Variants in CORO2B observed in about 807,000 individuals in gnomAD.
CORO2B encodes the protein coronin-2B.
In CORO2B, 26 loss-of-function variants were observed where a neutral mutation model predicts 58.8. The observed-to-expected ratio is 0.44, with a 90% CI of 0.32 to 0.61. The LOEUF is 0.61. Ranked by LOEUF, CORO2B falls within the 20% of genes least tolerant of loss-of-function variation. CORO2B has a pLI of 0.04. For synonymous variants in CORO2B, 242 were observed against 253.8 expected, an observed-to-expected ratio of 0.95 and a Z score of 0.44; for missense variants, 460 against 645.1, an observed-to-expected ratio of 0.71 and a Z score of 3.11.
At chr15:68,597,733 G>A (rs1412830813) in intron 1 of CORO2B, among the ~76,000 whole-genome samples, 1 of 152,154 alleles carries the variant, frequency 6.6e-6, no homozygotes, top group Admixed American at 6.5e-5. Flanking sequence ...GGTGAACAAG[G>A]GCAGAGAGGA....
chr15:68,635,031 C>T (rs927846829), intron 1 of CORO2B, among the ~76,000 whole-genome samples: 2 of 152,154 alleles, frequency 1.3e-5, no homozygotes, highest in South Asian at 2.1e-4. Flanking sequence ...AAGTGGGGCC[C>T]GGGAGCCTGC....
rs1901383989 is a variant in CORO2B at position 68,645,223 on chromosome 15, C to T, written c.79C>T (p.Arg27Trp). Residue 27 changes from arginine (R) to tryptophan (W), a missense_variant, in exon 2 of 12, where the codon CGG becomes TGG. This residue lies in a region of CORO2B where 352 missense variants were observed against 543.0 expected (regional missense o/e 0.65). Transcript: ENST00000261861. The surrounding 1 kb of genome is among the most constrained non-coding windows in gnomAD (Gnocchi z 4.5). ...GAATGTCTACGGGAAGGTGGCCAAC[C>T]GGGAGCACTGCTTCGATGGGATCCC... is the stretch of plus-strand genomic sequence containing the variant. ...FRNVYGKVAN[R>W]EHCFDGIPIT... 4 of 1,614,190 alleles carry T rather than the reference C, an allele frequency of 2.5e-6. No individual in the cohort carries two copies. The highest frequency in any genetic ancestry group is 3.4e-6 in the Non-Finnish European group (4 of 1,180,036).
the CORO2B span, among the ~76,000 whole-genome samples, chr15:68,562,806 C>A: frequency 6.6e-6 from 1 of 151,776 alleles, no homozygotes; most frequent in Non-Finnish European, 1.5e-5. Flanking sequence ...GAAACCCCGT[C>A]TCTACTAAAA....
chr15:68,577,230 G>T (rs1899305567), upstream of CORO2B, among the ~76,000 whole-genome samples: 1 of 152,182 alleles, frequency 6.6e-6, no homozygotes, highest in Admixed American at 6.5e-5. Flanking sequence ...GCAGCAAGTA[G>T]GAATGGACCC....
the CORO2B span, among the ~76,000 whole-genome samples, chr15:68,529,001 G>A: frequency 6.6e-6 from 1 of 152,114 alleles, no homozygotes; most frequent in African/African-American, 2.4e-5. Flanking sequence ...AGGTGGAAAC[G>A]GTGCAGACTA....
At chr15:68,698,336 C>T (rs1892562662) in intron 3 of CORO2B, among the ~76,000 whole-genome samples, 1 of 152,170 alleles carries the variant, frequency 6.6e-6, no homozygotes, top group African/African-American at 2.4e-5. Flanking sequence ...GACCAGGGCT[C>T]CTGGAATCAC....
chr15:68,697,986 G>C lies in CORO2B; in HGVS notation c.333+2730G>C, dbSNP rs550151332. On this transcript the variant is annotated intron_variant, in intron 3 of 11. Coordinates refer to ENST00000261861, the MANE Select transcript of CORO2B (RefSeq NM_006091.5). ...TGCTGGGAGAGTGGCGGGAAGGGCT[G>C]ACCCCAGCTGGTGTCACCAGCCAGC... is the stretch of plus-strand genomic sequence containing the variant. Among the ~76,000 whole-genome samples, 5 of 152,260 alleles carry C rather than the reference G, an allele frequency of 3.3e-5. No homozygotes were observed. The South Asian group carries it at 1.0e-3, about 32-fold the overall frequency.
chr15:68,666,710 GA>G (rs1156304015), intron 2 of CORO2B, among the ~76,000 whole-genome samples: 2 of 152,154 alleles, frequency 1.3e-5, no homozygotes, highest in Non-Finnish European at 2.9e-5. Flanking sequence ...GATGGGCAGG[GA>G]AGGGGCCAAG....
chr15:68,700,005 G>T (rs545406725), intron 3 of CORO2B, among the ~76,000 whole-genome samples: 3 of 152,188 alleles, frequency 2.0e-5, no homozygotes, highest in African/African-American at 7.2e-5. Flanking sequence ...AGCCTGGGAG[G>T]GGGTGGGGCG....
the CORO2B span, among the ~76,000 whole-genome samples, chr15:68,552,102 G>A: frequency 6.6e-6 from 1 of 152,220 alleles, no homozygotes; most frequent in Non-Finnish European, 1.5e-5. Flanking sequence ...GAGGACCAAG[G>A]AGGGGAAGCT....
the CORO2B span, among the ~76,000 whole-genome samples, chr15:68,529,164 T>C: frequency 6.6e-6 from 1 of 152,170 alleles, no homozygotes; most frequent in Admixed American, 6.5e-5. Context: ...TGGGGTTTTA[T>C]TCCCTGACTC....
rs76282267 is a variant in CORO2B at position 68,645,129 on chromosome 15, C to T, written c.16-31C>T. The T allele has an allele frequency of 1.2e-6, 2 of 1,609,014 alleles. No homozygotes were observed. Among genetic ancestry groups the T allele is most frequent in the Non-Finnish European group, 1.7e-6 (2 of 1,177,308 alleles). On this transcript the variant is annotated intron_variant, in intron 1 of 11. Coordinates refer to ENST00000261861, the MANE Select transcript of CORO2B (RefSeq NM_006091.5). The surrounding 1 kb of genome is among the most constrained non-coding windows in gnomAD (Gnocchi z 4.5). ...AGGCCCTTCATGGCACAGGGCCCAG[C>T]CTGACCCTTGTCTCTCCTGGCCCCT...
chr15:68,646,172 C>T (rs903431259), intron 2 of CORO2B, among the ~76,000 whole-genome samples: 1 of 152,110 alleles, frequency 6.6e-6, no homozygotes, highest in Non-Finnish European at 1.5e-5. Flanking sequence ...CCCCTTTCTG[C>T]AGCTGCTTAC....
the CORO2B span, among the ~76,000 whole-genome samples, chr15:68,562,221 G>A: frequency 1.3e-5 from 2 of 152,160 alleles, no homozygotes; most frequent in East Asian, 1.9e-4. Context: ...GTTGACTATG[G>A]GGTGCAGGTG....
At chr15:68,578,945 T>G, upstream of CORO2B, 7 of 652,336 alleles carry the variant, frequency 1.1e-5, no homozygotes, top group Non-Finnish European at 1.1e-5. The surrounding 1 kb of genome is among the most constrained non-coding windows in gnomAD (Gnocchi z 4.2). Flanking sequence ...TCCCGGCCCC[T>G]CTTCCTCCCC....
chr15:68,577,159 T>C (rs1186444436), upstream of CORO2B, among the ~76,000 whole-genome samples: 2 of 152,090 alleles, frequency 1.3e-5, no homozygotes, highest in Non-Finnish European at 2.9e-5. Flanking sequence ...TCCCTGGAAC[T>C]CCCCTGGGGA....
intron 3 of CORO2B, among the ~76,000 whole-genome samples, chr15:68,707,024 A>G (rs1179960217): frequency 3.3e-5 from 5 of 152,072 alleles, no homozygotes; most frequent in African/African-American, 1.2e-4. Flanking sequence ...GCAGTGGCAC[A>G]ATCTCGGCTC....
intron 11 of CORO2B, among the ~76,000 whole-genome samples, chr15:68,724,497 G>A (rs754953705): frequency 2.0e-5 from 3 of 152,086 alleles, no homozygotes; most frequent in East Asian, 1.9e-4. Context: ...GTAGTGTGTC[G>A]GTTTAAGAGT....
chr15:68,621,363 G>T (rs1449393781), intron 1 of CORO2B, among the ~76,000 whole-genome samples: 2 of 152,232 alleles, frequency 1.3e-5, no homozygotes, highest in East Asian at 3.8e-4. Context: ...CAAGCACGAT[G>T]CAGGGAGTGC....
Sources: gnomAD v4.1 joint callset for allele counts (sites outside exome capture counted in the v4.1 genomes callset) on GRCh38, gnomAD v4.1.1 for gene constraint, gnomAD v4.1.1 regional missense constraint, Gnocchi (gnomAD v3.1) non-coding constraint, MANE v1.5 for transcripts, NCBI Gene and HGNC (gene_info 2026-07-23, HGNC 2026-07-21) for gene names.